Variants in DPP10 observed in about 807,000 individuals in gnomAD.
The protein encoded by DPP10 is dipeptidyl peptidase like 10.
In DPP10, 33 loss-of-function variants were observed where a neutral mutation model predicts 120.9. The observed-to-expected ratio is 0.27, with a 90% CI of 0.21 to 0.37. DPP10 has a LOEUF of 0.37. DPP10 is among the 10% of genes least tolerant of loss of function. The probability of loss-of-function intolerance (pLI) is 1.00; values close to 1 mark genes in which losing one functional copy is unlikely to be tolerated. For synonymous variants in DPP10, 337 were observed against 326.1 expected (o/e 1.03, Z -0.36); for missense variants, 816 against 942.8 (o/e 0.87, Z 1.76).
intron 1 of DPP10, among the ~76,000 whole-genome samples, chr2:114,988,538 C>T (rs1700565925): frequency 6.6e-6 from 1 of 152,178 alleles, no homozygotes; most frequent in Non-Finnish European, 1.5e-5. Context: ...AACAATCATA[C>T]TCCAAACACT....
chr2:115,194,248 G>A (rs532331481), intron 1 of DPP10, among the ~76,000 whole-genome samples: 1 of 152,100 alleles, frequency 6.6e-6, no homozygotes, highest in Non-Finnish European at 1.5e-5. Flanking sequence ...TTTTGAGACG[G>A]AGCTTCGCTC....
intron 5 of DPP10, among the ~76,000 whole-genome samples, chr2:115,626,252 A>G (rs1169326455): frequency 6.6e-6 from 1 of 151,904 alleles, no homozygotes; most frequent in East Asian, 1.9e-4. Flanking sequence ...AGGATGAAAA[A>G]ATCAGTTGAA....
chr2:114,953,759 G>C (rs1324515148), intron 1 of DPP10, among the ~76,000 whole-genome samples: 3 of 151,928 alleles, frequency 2.0e-5, no homozygotes, highest in African/African-American at 7.3e-5. Context: ...TTTTCTTAAT[G>C]GTACCGTATT....
At chr2:115,649,881 C>A (rs1288329603) in intron 5 of DPP10, among the ~76,000 whole-genome samples, 2 of 152,030 alleles carry the variant, frequency 1.3e-5, no homozygotes. Context: ...ACATTTAATA[C>A]CTACAAAGAG....
At chr2:115,133,145 G>A (rs1850263) in intron 1 of DPP10, among the ~76,000 whole-genome samples, 1,731 of 28,620 alleles carry the variant, frequency 0.06, 38 homozygotes, top group African/African-American at 0.077. Context: ...GTGTGTGTGT[G>A]TATATATATA....
chr2:114,660,796 A>T (rs1697342239), intron 1 of DPP10, among the ~76,000 whole-genome samples: 1 of 152,232 alleles, frequency 6.6e-6, no homozygotes, highest in Non-Finnish European at 1.5e-5. Context: ...TGGCTCTCAA[A>T]TAATTTTAAT....
At chr2:115,272,172 T>C (rs778932143) in intron 1 of DPP10, among the ~76,000 whole-genome samples, 23 of 152,226 alleles carry the variant, frequency 1.5e-4, no homozygotes, top group Non-Finnish European at 2.5e-4. Flanking sequence ...AACTTTATTA[T>C]ATTGTGAGTG....
intron 1 of DPP10, among the ~76,000 whole-genome samples, chr2:114,496,156 G>T (rs931020530): frequency 2.0e-5 from 3 of 152,106 alleles, no homozygotes; most frequent in African/African-American, 7.2e-5. Flanking sequence ...AAGTGGTGGT[G>T]GGGTGGGAGT....
intron 1 of DPP10, among the ~76,000 whole-genome samples, chr2:115,047,271 C>T (rs1336181444): frequency 6.6e-6 from 1 of 152,058 alleles, no homozygotes; most frequent in African/African-American, 2.4e-5. Context: ...TGGATCCTTC[C>T]AATCAGTTAT....
intron 17 of DPP10, among the ~76,000 whole-genome samples, chr2:115,785,830 C>G (rs867752786): frequency 7.8e-6 from 1 of 128,348 alleles, no homozygotes; most frequent in Non-Finnish European, 1.7e-5. Flanking sequence ...CAGTTCAGCT[C>G]TGATGTGGGT....
At chr2:115,384,423 A>T (rs62164387) in intron 3 of DPP10, among the ~76,000 whole-genome samples, 1 of 109,852 alleles carries the variant, frequency 9.1e-6, no homozygotes, top group Admixed American at 9.5e-5. Flanking sequence ...GAAGAAGAAG[A>T]AGAAGGAGAA....
chr2:114,740,500 A>G (rs1161315512), intron 1 of DPP10, among the ~76,000 whole-genome samples: 1 of 146,890 alleles, frequency 6.8e-6, no homozygotes, highest in East Asian at 1.9e-4. Context: ...TAAAACTTAA[A>G]GTAATAATAA....
At chr2:115,069,353 A>G (rs1253719086) in intron 1 of DPP10, among the ~76,000 whole-genome samples, 2 of 152,092 alleles carry the variant, frequency 1.3e-5, no homozygotes, top group South Asian at 4.1e-4. Flanking sequence ...GTTAGTGTAT[A>G]GAAATGCCAC....
intron 1 of DPP10, among the ~76,000 whole-genome samples, chr2:114,923,752 C>T (rs1329917783): frequency 1.5e-5 from 1 of 65,980 alleles, no homozygotes; most frequent in Non-Finnish European, 3.2e-5. Flanking sequence ...AGGCGTGAGC[C>T]ACCGCACCTG....
At position 115,699,575 on chromosome 2, in the gene DPP10, C is replaced by T. The variant is rs2091791888; in HGVS notation, c.576+9654C>T. ...TGTGATTTGAGATCATGCCACTGCA[C>T]TCCTGCCTGGGCAACAGAGTGAGAC... On this transcript the variant is annotated intron_variant, in intron 7 of 25. Transcript: ENST00000410059. Among the ~76,000 whole-genome samples, 2 of 152,192 alleles carry T rather than the reference C, an allele frequency of 1.3e-5. 1 individual carries two copies. Among genetic ancestry groups the T allele is most frequent in the South Asian group, 4.1e-4 (2 of 4,834 alleles).
In DPP10 at chr2:115,139,397, T is replaced by C. The variant is rs2050803799; in HGVS notation, c.61-169842T>C. On this transcript the variant is annotated intron_variant, in intron 1 of 25. Transcript: ENST00000410059. Reference sequence around the variant, plus strand: ...TATTTCACGTAAATCATCAATGGACTCTAGGAAGACATAATCCCTCCCACC... The same window carrying C: ...TATTTCACGTAAATCATCAATGGACCCTAGGAAGACATAATCCCTCCCACC... Among the ~76,000 whole-genome samples, 3 of 152,134 alleles carry C rather than the reference T, an allele frequency of 2.0e-5. No individual in the cohort carries two copies. In the South Asian group the frequency reaches 6.2e-4, roughly 32 times the overall value.
intron 1 of DPP10, among the ~76,000 whole-genome samples, chr2:115,263,133 A>C (rs1311439909): frequency 6.6e-6 from 1 of 152,236 alleles, no homozygotes; most frequent in Non-Finnish European, 1.5e-5. Flanking sequence ...TACTAGGAAG[A>C]GATTATCTCC....
rs573204827 is a variant in DPP10, at chr2:114,560,595, A to G, written c.60+117757A>G. 5.7e-4 allele frequency among the ~76,000 whole-genome samples: 87 copies of G among 152,234 alleles called. 1 individual carries two copies. The highest frequency in any genetic ancestry group is 1.9e-3 in the African/African-American group (81 of 41,552). ...GGTGAGGAGAGAGTGGGGCCCAGGT[A>G]TAGGCCAGCCAGGCTTCCCCAGATG... On this transcript the variant is annotated intron_variant, in intron 1 of 25. Transcript: ENST00000410059.
intron 1 of DPP10, among the ~76,000 whole-genome samples, chr2:114,668,906 A>G (rs2105614033): frequency 6.6e-6 from 1 of 152,200 alleles, no homozygotes; most frequent in East Asian, 1.9e-4. Flanking sequence ...CATGTAATGA[A>G]TCAGTTATGT....
Sources: allele counts gnomAD v4.1 joint callset (sites outside exome capture counted in the v4.1 genomes callset), GRCh38; gene constraint gnomAD v4.1.1; transcripts MANE v1.5; gene names NCBI Gene and HGNC (gene_info 2026-07-23, HGNC 2026-07-21).